Variants in AKAP19 observed in about 807,000 individuals in gnomAD.
AKAP19 encodes small A-kinase anchoring protein.
the AKAP19 span, among the ~76,000 whole-genome samples, chr2:190,164,584 T>A: frequency 6.6e-6 from 1 of 152,166 alleles, no homozygotes; most frequent in South Asian, 2.1e-4. Flanking sequence ...TTATTTATAA[T>A]TTATTTAGAA....
At chr2:190,109,453 A>G in the AKAP19 span, among the ~76,000 whole-genome samples, 24 of 152,038 alleles carry the variant, frequency 1.6e-4, no homozygotes, top group East Asian at 1.9e-4. Flanking sequence ...GCCTCATGCA[A>G]TCCCTCCGCA....
At chr2:189,913,261 T>C in the AKAP19 span, among the ~76,000 whole-genome samples, 2 of 152,126 alleles carry the variant, frequency 1.3e-5, no homozygotes, top group East Asian at 3.8e-4. Context: ...TTCCAAGTTC[T>C]GTAATTAAAA....
At chr2:190,120,186 G>A in the AKAP19 span, among the ~76,000 whole-genome samples, 1 of 152,170 alleles carries the variant, frequency 6.6e-6, no homozygotes. Flanking sequence ...ATTCTCATAC[G>A]AGGGCAAACC....
chr2:189,930,906 C>T, the AKAP19 span: 1 of 718,518 alleles, frequency 1.4e-6, no homozygotes, highest in Non-Finnish European at 2.5e-6. Context: ...ATGGCAGCGG[C>T]TCCTGATACG....
the AKAP19 span, among the ~76,000 whole-genome samples, chr2:189,960,536 C>A: frequency 2.0e-5 from 3 of 152,092 alleles, no homozygotes; most frequent in African/African-American, 7.2e-5. Flanking sequence ...TTACTAGGAC[C>A]CAAGCTTATG....
chr2:189,881,942 T>C, the AKAP19 span, among the ~76,000 whole-genome samples: 1 of 152,208 alleles, frequency 6.6e-6, no homozygotes, highest in Non-Finnish European at 1.5e-5. Flanking sequence ...TTGTATACAG[T>C]GCAGCAAGAA....
At chr2:190,116,253 G>C in the AKAP19 span, among the ~76,000 whole-genome samples, 6 of 152,296 alleles carry the variant, frequency 3.9e-5, no homozygotes, top group African/African-American at 1.4e-4. Context: ...TGGGCTCATG[G>C]TTCTGGAGGT....
the AKAP19 span, chr2:189,931,024 G>C: frequency 1.6e-6 from 1 of 639,946 alleles, no homozygotes; most frequent in Non-Finnish European, 2.7e-6. Flanking sequence ...CTGGGGCCAA[G>C]GGGTGGGTGT....
the AKAP19 span, among the ~76,000 whole-genome samples, chr2:190,092,713 T>C: frequency 4.6e-5 from 7 of 152,340 alleles, no homozygotes; most frequent in African/African-American, 1.4e-4. Flanking sequence ...TTTAGAAGTC[T>C]AACAGAAGTA....
the AKAP19 span, among the ~76,000 whole-genome samples, chr2:190,018,730 G>A: frequency 6.6e-6 from 1 of 152,080 alleles, no homozygotes; most frequent in Non-Finnish European, 1.5e-5. Context: ...CATTGTGTTG[G>A]TGTCTGTACA....
the AKAP19 span, among the ~76,000 whole-genome samples, chr2:190,090,020 AC>A: frequency 6.6e-6 from 1 of 151,494 alleles, no homozygotes; most frequent in Admixed American, 6.6e-5. Flanking sequence ...TCCCCAAACT[AC>A]TCTACTTAAC....
At chr2:190,146,560 C>G in the AKAP19 span, among the ~76,000 whole-genome samples, 1 of 152,148 alleles carries the variant, frequency 6.6e-6, no homozygotes, top group South Asian at 2.1e-4. Flanking sequence ...ACTTTTAGTT[C>G]TTTAAGGAAT....
the AKAP19 span, among the ~76,000 whole-genome samples, chr2:189,884,753 C>T: frequency 1.4e-3 from 209 of 152,306 alleles, 1 homozygote; most frequent in African/African-American, 4.9e-3. Flanking sequence ...ACTTCTCCAA[C>T]TTTAATGTGC....
chr2:189,899,945 T>C, the AKAP19 span, among the ~76,000 whole-genome samples: 3 of 152,130 alleles, frequency 2.0e-5, no homozygotes, highest in Non-Finnish European at 4.4e-5. Flanking sequence ...TTTAAAAAAA[T>C]TTTGTTTCTG....
the AKAP19 span, among the ~76,000 whole-genome samples, chr2:189,885,665 C>G: frequency 6.6e-6 from 1 of 152,034 alleles, no homozygotes; most frequent in Non-Finnish European, 1.5e-5. Context: ...TACTGAAAGG[C>G]CTTTTTGGTC....
chr2:189,962,474 A>G, the AKAP19 span, among the ~76,000 whole-genome samples: 1 of 152,224 alleles, frequency 6.6e-6, no homozygotes, highest in South Asian at 2.1e-4. Flanking sequence ...TATCATGATA[A>G]AGGAAGAAAT....
At chr2:190,049,546 T>C in the AKAP19 span, among the ~76,000 whole-genome samples, 183 of 152,356 alleles carry the variant, frequency 1.2e-3, no homozygotes, top group Non-Finnish European at 2.2e-3. Flanking sequence ...TGGCTTCCTT[T>C]CTTCAATATA....
At chr2:190,002,780 C>T in the AKAP19 span, among the ~76,000 whole-genome samples, 2 of 152,098 alleles carry the variant, frequency 1.3e-5, no homozygotes, top group African/African-American at 4.8e-5. Context: ...ACAGAGATGC[C>T]AAACTCTTGC....
chr2:189,985,177 T>C, the AKAP19 span, among the ~76,000 whole-genome samples: 4 of 152,206 alleles, frequency 2.6e-5, no homozygotes, highest in Admixed American at 6.5e-5. Context: ...GACTCACTGC[T>C]TTTCTTTTCT....
Sources: allele counts gnomAD v4.1 joint callset (sites outside exome capture counted in the v4.1 genomes callset), GRCh38; gene constraint gnomAD v4.1.1; transcripts MANE v1.5; gene names NCBI Gene and HGNC (gene_info 2026-07-23, HGNC 2026-07-21).